Variants in RIGI observed in about 807,000 individuals in gnomAD.
RIGI encodes RNA sensor RIG-I, also known as antiviral innate immune response receptor RIG-I.
At chr9:32,485,207 T>C in the RIGI span, 1 of 1,607,258 alleles carries the variant, frequency 6.2e-7, no homozygotes, top group Admixed American at 1.7e-5. Context: ...TGCCAGACTC[T>C]CTGTGTCCCT....
At chr9:32,465,053 T>C in the RIGI span, among the ~76,000 whole-genome samples, 1 of 152,190 alleles carries the variant, frequency 6.6e-6, no homozygotes, top group South Asian at 2.1e-4. Flanking sequence ...GGAGAAGAGA[T>C]AAAAATTATG....
At chr9:32,506,591 G>T in the RIGI span, among the ~76,000 whole-genome samples, 1 of 152,004 alleles carries the variant, frequency 6.6e-6, no homozygotes, top group Non-Finnish European at 1.5e-5. Flanking sequence ...ATGCATTTAG[G>T]GAAATGTTAT....
the RIGI span, among the ~76,000 whole-genome samples, chr9:32,525,781 T>C: frequency 9.5e-6 from 1 of 105,206 alleles, no homozygotes; most frequent in Non-Finnish European, 2.1e-5. Context: ...TTAATATTAG[T>C]GAAAATAAAT....
chr9:32,503,965 C>T, the RIGI span, among the ~76,000 whole-genome samples: 1 of 151,454 alleles, frequency 6.6e-6, no homozygotes, highest in African/African-American at 2.4e-5. Context: ...TCACTTGAAC[C>T]AGGGAGACAG....
At chr9:32,456,067 G>A in the RIGI span, 9 of 152,168 alleles carry the variant, frequency 5.9e-5, no homozygotes, top group Non-Finnish European at 8.8e-5. Flanking sequence ...AGTGACACGT[G>A]AATGCCATTT....
At chr9:32,491,324 C>G in the RIGI span, 1 of 1,613,600 alleles carries the variant, frequency 6.2e-7, no homozygotes, top group South Asian at 1.1e-5. Flanking sequence ...TGAATTCTCA[C>G]TAAGATTCTG....
At chr9:32,507,077 T>A in the RIGI span, among the ~76,000 whole-genome samples, 1 of 152,224 alleles carries the variant, frequency 6.6e-6, no homozygotes, top group East Asian at 1.9e-4. Flanking sequence ...GATTAATTTC[T>A]GGGATATAGA....
the RIGI span, chr9:32,493,685 A>G: frequency 1.0e-6 from 1 of 998,572 alleles, no homozygotes; most frequent in Non-Finnish European, 1.5e-6. Flanking sequence ...TCTCAGGTCT[A>G]AAACAGTATA....
chr9:32,481,896 C>T, the RIGI span, among the ~76,000 whole-genome samples: 2 of 152,100 alleles, frequency 1.3e-5, no homozygotes, highest in Admixed American at 6.6e-5. Flanking sequence ...AATTTTCTTT[C>T]TTACTCTCTG....
the RIGI span, among the ~76,000 whole-genome samples, chr9:32,486,344 T>C: frequency 6.7e-6 from 1 of 150,122 alleles, no homozygotes; most frequent in Non-Finnish European, 1.5e-5. Context: ...TTCCAGCTAC[T>C]CAGGAGACTG....
At chr9:32,497,986 T>C in the RIGI span, among the ~76,000 whole-genome samples, 1 of 152,318 alleles carries the variant, frequency 6.6e-6, no homozygotes, top group African/African-American at 2.4e-5. Flanking sequence ...AGATTAATCA[T>C]ATCCCCAAAG....
At chr9:32,488,798 CA>C in the RIGI span, 1 of 1,612,952 alleles carries the variant, frequency 6.2e-7, no homozygotes, top group Non-Finnish European at 8.5e-7. Flanking sequence ...ATCTGATTCG[CA>C]AAAAAGACAA....
At chr9:32,499,312 A>ATTTGTTTTT in the RIGI span, among the ~76,000 whole-genome samples, 1 of 32,324 alleles carries the variant, frequency 3.1e-5, no homozygotes, top group Non-Finnish European at 5.7e-5. Flanking sequence ...AGAGTTTGTG[A>ATTTGTTTTT]TTTGTTTTTT....
At chr9:32,476,951 A>C in the RIGI span, 4 of 1,580,506 alleles carry the variant, frequency 2.5e-6, no homozygotes, top group Non-Finnish European at 3.5e-6. Flanking sequence ...TGCTGGGTCC[A>C]TTTGTTATCT....
the RIGI span, chr9:32,492,364 A>G: frequency 6.2e-7 from 1 of 1,613,402 alleles, no homozygotes; most frequent in South Asian, 1.1e-5. Flanking sequence ...TCCTAAGTAG[A>G]GCTGTGAGGA....
chr9:32,467,879 C>T, the RIGI span: 1 of 1,613,312 alleles, frequency 6.2e-7, no homozygotes, highest in African/African-American at 1.3e-5. Flanking sequence ...ATATTGTGAT[C>T]TCCACTGGCT....
chr9:32,459,947 G>A, the RIGI span, among the ~76,000 whole-genome samples: 1 of 152,138 alleles, frequency 6.6e-6, no homozygotes, highest in Non-Finnish European at 1.5e-5. Flanking sequence ...CCCCTGATAT[G>A]GTTTGGCTGT....
chr9:32,488,916 A>G, the RIGI span: 1 of 1,567,644 alleles, frequency 6.4e-7, no homozygotes, highest in Non-Finnish European at 8.7e-7. Flanking sequence ...AAAAGAAAAC[A>G]TGTAACTCAT....
chr9:32,490,633 A>T, the RIGI span, among the ~76,000 whole-genome samples: 1 of 151,892 alleles, frequency 6.6e-6, no homozygotes, highest in African/African-American at 2.4e-5. Context: ...CCTTCCTGAT[A>T]CTCTTTTATA....
Sources: allele counts gnomAD v4.1 joint callset (sites outside exome capture counted in the v4.1 genomes callset), GRCh38; gene constraint gnomAD v4.1.1; transcripts MANE v1.5; gene names NCBI Gene and HGNC (gene_info 2026-07-23, HGNC 2026-07-21).